SLTM: variants seen among roughly 807,000 people sequenced by gnomAD.
SLTM encodes the protein SAFB-like transcription modulator.
SLTM carries 43 observed loss-of-function variants against 134.6 expected under a neutral mutation model. That is an observed-to-expected ratio of 0.32 (90% confidence interval 0.25 to 0.41). The LOEUF (loss-of-function observed/expected upper bound fraction) is 0.41, where lower values mean the gene tolerates loss of function less well. SLTM is among the 10% of genes least tolerant of loss of function. The probability of loss-of-function intolerance (pLI) is 1.00; values close to 1 mark genes in which losing one functional copy is unlikely to be tolerated. For synonymous variants in SLTM, 424 were observed against 432.3 expected (o/e 0.98, Z 0.24); for missense variants, 1,055 against 1,288.8 (o/e 0.82, Z 2.78).
chr15:58,880,183 T>G, intron 20 of SLTM, 76 bp from the exon 21 acceptor site: 1 of 1,528,556 alleles, frequency 6.5e-7, no homozygotes, highest in East Asian at 2.4e-5. Flanking sequence ...GCACTGTTCT[T>G]GGTACTTTAT....
intron 2 of SLTM, among the ~76,000 whole-genome samples, chr15:58,930,291 T>C (rs1265145805): frequency 6.6e-6 from 1 of 150,418 alleles, no homozygotes; most frequent in Non-Finnish European, 1.5e-5. Context: ...ATTTTTTTTT[T>C]TTTTTTTTTT....
intron 1 of SLTM, 138 bp downstream of exon 1, chr15:58,933,266 G>T: frequency 2.3e-6 from 2 of 867,138 alleles, no homozygotes; most frequent in Non-Finnish European, 1.6e-6. Context: ...GCTCGCGGGA[G>T]CCGCCCCTGG....
At chr15:58,892,192 A>G (rs2034695718) in intron 14 of SLTM, among the ~76,000 whole-genome samples, 2 of 152,226 alleles carry the variant, frequency 1.3e-5, no homozygotes, top group Admixed American at 1.3e-4. Context: ...AATATACTAT[A>G]AAACACACCC....
At chr15:58,912,826 C>T (rs183904251) in intron 4 of SLTM, 1 of 481,710 alleles carries the variant, frequency 2.1e-6, no homozygotes, top group Admixed American at 3.3e-5. Flanking sequence ...CTCTTGAGCC[C>T]CTCATTTATT....
At chr15:58,898,728 C>T in intron 8 of SLTM, 75 bp downstream of exon 8, 1 of 1,125,534 alleles carries the variant, frequency 8.9e-7, no homozygotes, top group Non-Finnish European at 1.3e-6. Flanking sequence ...TCAAAGAAAA[C>T]ACCGCGCAAC....
At chr15:58,912,054 G>C (rs180944111) in intron 5 of SLTM, among the ~76,000 whole-genome samples, 3 of 151,088 alleles carry the variant, frequency 2.0e-5, no homozygotes, top group African/African-American at 4.9e-5. Context: ...GAAACTCATA[G>C]TAACTCCAAT....
In SLTM at chr15:58,890,366, T is replaced by G. The variant is rs773173531; in HGVS notation, c.1994A>C (p.Glu665Ala). ...TTTTTGCCTTTCAATTTCTAGGCGC[T>G]CTCTCTCTCTCTGTAAGCGTTCCCG... ...EERERLQRER[E>A]RLEIERQKLE... The change falls in exon 15 of 21, where the codon GAG (glutamate) becomes GCG (alanine). Residue 665 changes from glutamate to alanine, a missense_variant. This residue lies in a region of SLTM where 776 missense variants were observed against 962.2 expected (regional missense o/e 0.81). Coordinates refer to ENST00000380516, the MANE Select transcript of SLTM (RefSeq NM_024755.4). 24 of 1,564,164 alleles carry G rather than the reference T, an allele frequency of 1.5e-5. No individual in the cohort carries two copies. The highest frequency in any genetic ancestry group is 2.0e-5 in the Non-Finnish European group (23 of 1,144,524).
At chr15:58,911,746 C>CACAT (rs2036282699) in intron 5 of SLTM, among the ~76,000 whole-genome samples, 1 of 152,246 alleles carries the variant, frequency 6.6e-6, no homozygotes, top group Non-Finnish European at 1.5e-5. Flanking sequence ...CTATGTGTAT[C>CACAT]ACATATAGCA....
At chr15:58,892,201 C>A (rs1318057671) in intron 14 of SLTM, among the ~76,000 whole-genome samples, 1 of 152,134 alleles carries the variant, frequency 6.6e-6, no homozygotes, top group African/African-American at 2.4e-5. Flanking sequence ...TAAAACACAC[C>A]CACAAGACTA....
At chr15:58,883,232 T>C (rs1452269728) in intron 20 of SLTM, among the ~76,000 whole-genome samples, 1 of 152,158 alleles carries the variant, frequency 6.6e-6, no homozygotes, top group African/African-American at 2.4e-5. Context: ...AGAGAATTGC[T>C]TGAACCCAGG....
rs777266979 is a variant in SLTM, at chr15:58,899,105, G to C, written c.1059-253C>G. On this transcript the variant is annotated intron_variant, in intron 7 of 20. Coordinates refer to ENST00000380516, the MANE Select transcript of SLTM (RefSeq NM_024755.4). This position sits in a 1 kb window ranked among gnomAD's most constrained non-coding sequence, Gnocchi z 5.0. ...ATATGGCCATCTTCTCCAGATTTCA[G>C]GACTGGGACTTGACTTCATTTTGTG... The C allele has an allele frequency of 6.8e-6, 3 of 441,682 alleles. No individual in the cohort carries two copies. The highest frequency in any genetic ancestry group is 6.2e-5 in the African/African-American group (3 of 48,318). The allele number at this position is 441,682 out of a possible 1,614,324, so 27.4% of individuals were successfully genotyped here.
chr15:58,912,669 GCTT>G, intron 4 of SLTM, 59 bp from the exon 5 acceptor site: 1 of 1,334,470 alleles, frequency 7.5e-7, no homozygotes, highest in South Asian at 1.2e-5. Flanking sequence ...ACGTGAGAAT[GCTT>G]TTATGCTTAC....
intron 9 of SLTM, among the ~76,000 whole-genome samples, chr15:58,895,405 A>C (rs887928991): frequency 2.6e-5 from 4 of 152,208 alleles, no homozygotes; most frequent in Non-Finnish European, 4.4e-5. Flanking sequence ...AACATGACAA[A>C]TAATTGCAAT....
At chr15:58,905,594 T>TCTTTTTTAAAA (rs2035818312) in intron 5 of SLTM, among the ~76,000 whole-genome samples, 1 of 152,124 alleles carries the variant, frequency 6.6e-6, no homozygotes, top group Non-Finnish European at 1.5e-5. Context: ...GAATGCAGTT[T>TCTTTTTTAAAA]GACTCCCCTT....
At chr15:58,889,014 G>A in intron 16 of SLTM, 1 of 189,724 alleles carries the variant, frequency 5.3e-6, no homozygotes, top group South Asian at 1.1e-4. Context: ...TAGAATTTAT[G>A]TTAAGAAGAT....
In SLTM at chr15:58,887,351, C is replaced by T. The variant is rs1343698263; in HGVS notation, c.2565G>A (p.Thr855=). The T allele has an allele frequency of 7.4e-6, 12 of 1,613,882 alleles. No individual in the cohort carries two copies. The highest frequency in any genetic ancestry group is 1.6e-4 in the Middle Eastern group (1 of 6,062). Residue 855 remains threonine (T), a synonymous_variant, in exon 18 of 21, where the codon ACG becomes ACA. Coordinates refer to ENST00000380516, the MANE Select transcript of SLTM (RefSeq NM_024755.4). ...TATCAGGCCTGTCATGAATAATCAC[C>T]GTTCTCCTTTCGTCTCGCTCCCCTC... ...EVRGERDERR[T]VIIHDRPDIT... is the part of the protein sequence containing the mutation.
intron 9 of SLTM, among the ~76,000 whole-genome samples, chr15:58,895,513 A>G (rs2035015094): frequency 6.6e-6 from 1 of 152,248 alleles, no homozygotes; most frequent in African/African-American, 2.4e-5. Flanking sequence ...GAGTAAAGAC[A>G]TAAAGCTGGG....
At chr15:58,914,196 T>C (rs1390500710) in intron 3 of SLTM, among the ~76,000 whole-genome samples, 1 of 152,218 alleles carries the variant, frequency 6.6e-6, no homozygotes, top group Non-Finnish European at 1.5e-5. Context: ...CTGTGCCAAA[T>C]GTCAATTAGG....
chr15:58,906,310 CAA>C (rs1329597052), intron 5 of SLTM, among the ~76,000 whole-genome samples: 4 of 152,070 alleles, frequency 2.6e-5, no homozygotes, highest in Non-Finnish European at 5.9e-5. Context: ...ATTAACCACT[CAA>C]GTTTGTCTTG....
Sources: gnomAD v4.1 joint callset for allele counts (sites outside exome capture counted in the v4.1 genomes callset) on GRCh38, gnomAD v4.1.1 for gene constraint, gnomAD v4.1.1 regional missense constraint, Gnocchi (gnomAD v3.1) non-coding constraint, MANE v1.5 for transcripts, NCBI Gene and HGNC (gene_info 2026-07-23, HGNC 2026-07-21) for gene names.